Variants in GMDS observed in about 807,000 individuals in gnomAD.
The protein encoded by GMDS is GDP-mannose 4,6 dehydratase.
A neutral mutation model predicts 49.9 loss-of-function variants in GMDS; 20 were observed. The ratio of observed to expected loss-of-function variants is 0.40; its 90% CI spans 0.28 to 0.58. The LOEUF (loss-of-function observed/expected upper bound fraction) is 0.58, where lower values mean the gene tolerates loss of function less well. GMDS is among the 20% of genes least tolerant of loss of function. GMDS has a pLI of 0.42. For synonymous variants in GMDS, 177 were observed against 178.6 expected, an observed-to-expected ratio of 0.99 and a Z score of 0.07; for missense variants, 362 against 481.4, an observed-to-expected ratio of 0.75 and a Z score of 2.32.
intron 7 of GMDS, among the ~76,000 whole-genome samples, chr6:1,913,954 C>CG (rs745597942): frequency 2.0e-5 from 3 of 151,870 alleles, no homozygotes; most frequent in African/African-American, 4.8e-5. Context: ...AGTGGATGTA[C>CG]GGGGGGAAAG....
chr6:1,777,297 C>T (rs1017838435), intron 7 of GMDS, among the ~76,000 whole-genome samples: 2 of 152,386 alleles, frequency 1.3e-5, no homozygotes, highest in African/African-American at 4.8e-5. Context: ...AGGTAATGTT[C>T]ATTCCACTAT....
At chr6:2,181,951 A>G (rs1778560371) in intron 1 of GMDS, among the ~76,000 whole-genome samples, 1 of 152,252 alleles carries the variant, frequency 6.6e-6, no homozygotes, top group African/African-American at 2.4e-5. Flanking sequence ...TCCAAAGTCA[A>G]GACCGGCTGA....
intron 7 of GMDS, among the ~76,000 whole-genome samples, chr6:1,891,937 T>A (rs899679809): frequency 4.6e-5 from 7 of 152,194 alleles, no homozygotes; most frequent in African/African-American, 1.4e-4. Context: ...ACAAATCCCA[T>A]CGACTGTAAA....
At chr6:1,720,642 G>A (rs1417939713) in intron 9 of GMDS, among the ~76,000 whole-genome samples, 1 of 152,204 alleles carries the variant, frequency 6.6e-6, no homozygotes, top group Non-Finnish European at 1.5e-5. Flanking sequence ...GGACCTTACA[G>A]AACGAGTAGT....
chr6:1,663,966 C>T (rs1005348341), intron 9 of GMDS, among the ~76,000 whole-genome samples: 1 of 152,172 alleles, frequency 6.6e-6, no homozygotes, highest in Admixed American at 6.5e-5. Flanking sequence ...TTAGCACCCT[C>T]AGGACCCAGA....
In GMDS at chr6:1,977,362, C is replaced by G. The variant is rs558675912; in HGVS notation, c.346-16396G>C. On this transcript the variant is annotated intron_variant, in intron 4 of 10. Coordinates refer to ENST00000380815, the MANE Select transcript of GMDS (RefSeq NM_001500.4). ...TTCTCCTAAATACCATACCCTGACT[C>G]TTCTATGGAATTCAGGATGCCACAC... Among the ~76,000 whole-genome samples the G allele has an allele frequency of 7.9e-5, 12 of 152,300 alleles. No homozygotes were observed. In the East Asian group the frequency reaches 2.3e-3, roughly 29 times the overall value.
At chr6:1,689,657 T>G (rs1313203671) in intron 9 of GMDS, among the ~76,000 whole-genome samples, 2 of 152,224 alleles carry the variant, frequency 1.3e-5, no homozygotes, top group African/African-American at 4.8e-5. Context: ...TGCTTTTCTG[T>G]CCTGCAACTA....
intron 9 of GMDS, among the ~76,000 whole-genome samples, chr6:1,699,607 C>T (rs929200832): frequency 1.3e-5 from 2 of 152,174 alleles, no homozygotes; most frequent in African/African-American, 4.8e-5. Flanking sequence ...CCTTGAATCA[C>T]CCTGACCCCG....
chr6:1,967,086 C>A (rs1309037924), intron 4 of GMDS, among the ~76,000 whole-genome samples: 2 of 152,212 alleles, frequency 1.3e-5, no homozygotes, highest in Admixed American at 6.5e-5. Context: ...CTGGAGCCTT[C>A]ACGCTGCTGA....
At chr6:2,072,065 G>A (rs1364784902) in intron 4 of GMDS, among the ~76,000 whole-genome samples, 2 of 152,188 alleles carry the variant, frequency 1.3e-5, no homozygotes, top group Non-Finnish European at 2.9e-5. Context: ...AGGGGCGTGT[G>A]TGCATGTGTG....
chr6:2,114,948 AAAAC>A (rs36090625), intron 4 of GMDS, among the ~76,000 whole-genome samples: 22 of 150,426 alleles, frequency 1.5e-4, no homozygotes, highest in African/African-American at 2.2e-4. Flanking sequence ...ATTAAATAGC[AAAAC>A]AAACAAACAA....
At chr6:1,779,543 G>A (rs917011070) in intron 7 of GMDS, among the ~76,000 whole-genome samples, 43 of 152,248 alleles carry the variant, frequency 2.8e-4, no homozygotes, top group Non-Finnish European at 7.4e-5. Context: ...GAAACAATGC[G>A]TGTGACCCCT....
chr6:2,135,903 A>G (rs776129724), intron 1 of GMDS, among the ~76,000 whole-genome samples: 1 of 152,240 alleles, frequency 6.6e-6, no homozygotes, highest in African/African-American at 2.4e-5. Flanking sequence ...AATGAATTAC[A>G]TAACAACGGG....
chr6:1,843,434 C>T lies in GMDS; in HGVS notation c.771+86669G>A, dbSNP rs1415534511. 5.9e-5 allele frequency among the ~76,000 whole-genome samples: 9 copies of T among 152,206 alleles called. No individual in the cohort carries two copies. The East Asian group carries it at 1.7e-3, about 29-fold the overall frequency. On this transcript the variant is annotated intron_variant, in intron 7 of 10. Transcript: ENST00000380815. The stretch of plus-strand genomic sequence containing the variant: ...TGTACAGTATAAGGTGTGAGAACAA[C>T]AAAATAAAAAAGACCAGAGCCCTAT...
chr6:1,626,991 G>A (rs1762866725), intron 9 of GMDS, among the ~76,000 whole-genome samples: 1 of 152,212 alleles, frequency 6.6e-6, no homozygotes, highest in Non-Finnish European at 1.5e-5. Context: ...CAGTCTAGCT[G>A]CTTCCTTTAA....
Position 2,091,154 on chromosome 6 carries a change from T to C in GMDS, c.345+24617A>G, listed in dbSNP as rs1226144752. The stretch of plus-strand genomic sequence containing the variant: ...ACGCTGATAGAAAACCCAGTGTGGT[T>C]TGAAATATCCTCACCAGATGTTTGG... On this transcript the variant is annotated intron_variant, in intron 4 of 10. Coordinates refer to ENST00000380815, the MANE Select transcript of GMDS (RefSeq NM_001500.4). Among the ~76,000 whole-genome samples, 5 of 152,350 alleles carry C rather than the reference T, an allele frequency of 3.3e-5. No homozygotes were observed. In the East Asian group the frequency reaches 9.6e-4, roughly 29 times the overall value.
intron 9 of GMDS, among the ~76,000 whole-genome samples, chr6:1,689,315 A>G (rs1485240244): frequency 6.6e-6 from 1 of 152,186 alleles, no homozygotes; most frequent in African/African-American, 2.4e-5. Context: ...AGCCCATAAA[A>G]TTACCCAAGT....
chr6:1,677,867 A>G (rs1165251977), intron 9 of GMDS, among the ~76,000 whole-genome samples: 3 of 151,998 alleles, frequency 2.0e-5, no homozygotes, highest in South Asian at 2.1e-4. Context: ...AATGGGTACA[A>G]CACACCAACA....
At chr6:1,638,354 A>G (rs976119658) in intron 9 of GMDS, among the ~76,000 whole-genome samples, 1 of 152,200 alleles carries the variant, frequency 6.6e-6, no homozygotes, top group African/African-American at 2.4e-5. Flanking sequence ...TGGCTGAAGA[A>G]AAAGCATCTT....
Sources: allele counts gnomAD v4.1 joint callset (sites outside exome capture counted in the v4.1 genomes callset), GRCh38; gene constraint gnomAD v4.1.1; transcripts MANE v1.5; gene names NCBI Gene and HGNC (gene_info 2026-07-23, HGNC 2026-07-21).